MRS2: variants seen among roughly 807,000 people sequenced by gnomAD.
MRS2 encodes the protein magnesium transporter MRS2.
A neutral mutation model predicts 52.6 loss-of-function variants in MRS2; 40 were observed. The ratio of observed to expected loss-of-function variants is 0.76; its 90% confidence interval spans 0.59 to 0.99. The LOEUF (loss-of-function observed/expected upper bound fraction) is 0.99. Among genes scored for constraint, MRS2 ranks in the 50% least tolerant of loss-of-function variants. The probability of loss-of-function intolerance (pLI) is 0.00; values close to 1 mark genes in which losing one functional copy is unlikely to be tolerated. For synonymous variants in MRS2, 193 were observed against 195.9 expected, an observed-to-expected ratio of 0.98 and a Z score of 0.13; for missense variants, 472 against 532.7, an observed-to-expected ratio of 0.89 and a Z score of 1.12.
chr6:24,415,264 C>A, intron 6 of MRS2, 101 bp downstream of exon 6: 1 of 1,262,670 alleles, frequency 7.9e-7, no homozygotes, highest in Non-Finnish European at 1.1e-6. Context: ...ATGAAAGTAG[C>A]CTAGGTGGGA....
intron 3 of MRS2, among the ~76,000 whole-genome samples, chr6:24,408,835 T>C (rs1761560665): frequency 6.6e-6 from 1 of 152,160 alleles, no homozygotes; most frequent in African/African-American, 2.4e-5. Flanking sequence ...ACCACTGACA[T>C]TGCAGTGGGT....
rs367955707 is a variant in MRS2 at position 24,403,151 on chromosome 6, C to G, written c.105C>G (p.Pro35=). 27 of 1,610,540 alleles carry G rather than the reference C, an allele frequency of 1.7e-5. 1 individual carries two copies. In the South Asian group the frequency reaches 2.3e-4, roughly 14 times the overall value. The part of the protein sequence containing the change: ...LALDVTSVGP[P]VAACGRRANL... ...TGGACGTGACCTCTGTGGGTCCTCC[C>G]GTTGCTGCCTGCGGCCGCCGAGCCA... Residue 35 remains proline, a synonymous_variant, in exon 1 of 11, where the codon CCC becomes CCG. Transcript: ENST00000378386.
chr6:24,423,275 TA>T (rs1456512065), intron 10 of MRS2: 2 of 504,276 alleles, frequency 4.0e-6, no homozygotes, highest in Non-Finnish European at 7.0e-6. Context: ...GCACACTGCC[TA>T]ACACAATAAG....
chr6:24,405,970 T>C (rs1239358339), intron 2 of MRS2, among the ~76,000 whole-genome samples: 1 of 151,170 alleles, frequency 6.6e-6, no homozygotes, highest in Non-Finnish European at 1.5e-5. Context: ...CCAGGCCTGG[T>C]GGTGGGCGCC....
chr6:24,403,936 C>A (rs1342138158), intron 1 of MRS2, among the ~76,000 whole-genome samples: 1 of 151,726 alleles, frequency 6.6e-6, no homozygotes, highest in Admixed American at 6.6e-5. Context: ...CCAGGGAGAT[C>A]GGATTGAGAA....
At position 24,408,435 on chromosome 6, in the gene MRS2, ACTT is replaced by A. The variant is rs1390458686; in HGVS notation, c.296_298del (p.Ser99del). On this transcript the variant is annotated inframe_deletion, in exon 3 of 11. Coordinates refer to ENST00000378386, the MANE Select transcript of MRS2 (RefSeq NM_020662.4). Reference sequence around the variant, plus strand: ...AAAATTTGACAAACAGGGAAACGTTACTTCTTTTGGTGAGTGATTAGCATTCTA... The same window carrying A: ...AAAATTTGACAAACAGGGAAACGTTACTTTTGGTGAGTGATTAGCATTCTA... 6.3e-7 allele frequency: 1 copy of A among 1,583,950 alleles called. No homozygotes were observed. The highest frequency in any genetic ancestry group is 1.7e-5 in the Admixed American group (1 of 59,374).
intron 5 of MRS2, among the ~76,000 whole-genome samples, chr6:24,414,668 C>T (rs1362993884): frequency 6.6e-6 from 1 of 152,214 alleles, no homozygotes; most frequent in Non-Finnish European, 1.5e-5. Context: ...GTTGGGTACA[C>T]CTCCCAGACG....
Position 24,412,402 on chromosome 6 carries a change from C to A in MRS2, c.588+7C>A. 6.6e-7 allele frequency: 1 copy of A among 1,520,846 alleles called. No homozygotes were observed. The highest frequency in any genetic ancestry group is 2.3e-5 in the Admixed American group (1 of 43,190). The allele number at this position is 1,520,846 out of a possible 1,614,324, so 94.2% of individuals were successfully genotyped here. On this transcript the variant is annotated splice_region_variant and intron_variant, in intron 5 of 10. Coordinates refer to ENST00000378386, the MANE Select transcript of MRS2 (RefSeq NM_020662.4). ...AGCACTCCTGCAATATTGGGTAAGTCTGTTTTTATTTAGCTTCTTGGGTTT... is the reference window on the plus strand; with the variant it reads ...AGCACTCCTGCAATATTGGGTAAGTATGTTTTTATTTAGCTTCTTGGGTTT...
At chr6:24,417,203 A>G (rs1388266502) in intron 7 of MRS2, among the ~76,000 whole-genome samples, 1 of 152,202 alleles carries the variant, frequency 6.6e-6, no homozygotes, top group African/African-American at 2.4e-5. Context: ...ATGGTAGCAG[A>G]AACTGTTTGC....
chr6:24,420,370 G>A (rs1762005301), intron 9 of MRS2, among the ~76,000 whole-genome samples: 1 of 152,152 alleles, frequency 6.6e-6, no homozygotes, highest in African/African-American at 2.4e-5. Flanking sequence ...GCAATCCCTT[G>A]TTCAAAGCCT....
chr6:24,421,479 T>C (rs1450002584), intron 9 of MRS2, among the ~76,000 whole-genome samples: 2 of 152,232 alleles, frequency 1.3e-5, no homozygotes, highest in African/African-American at 4.8e-5. Context: ...ATATTTGCCA[T>C]GGTGAATCTG....
chr6:24,404,779 TCTA>T (rs1276699102), intron 1 of MRS2, among the ~76,000 whole-genome samples: 1 of 152,212 alleles, frequency 6.6e-6, no homozygotes, highest in Non-Finnish European at 1.5e-5. Context: ...CTAAAATGTA[TCTA>T]CTACCAAATG....
chr6:24,406,104 CAAA>C (rs35874058), intron 2 of MRS2, among the ~76,000 whole-genome samples: 7 of 103,158 alleles, frequency 6.8e-5, no homozygotes, highest in Non-Finnish European at 7.2e-5. Context: ...GACTCCATCT[CAAA>C]AAAAAAAAAA....
At chr6:24,420,500 T>TA (rs1491021877) in intron 9 of MRS2, among the ~76,000 whole-genome samples, 2 of 152,224 alleles carry the variant, frequency 1.3e-5, no homozygotes, top group African/African-American at 4.8e-5. Context: ...TATTGCCTGT[T>TA]ATATACCAAG....
intron 8 of MRS2, 23 bp from the exon 9 acceptor site, chr6:24,418,438 T>G: frequency 6.2e-7 from 1 of 1,613,770 alleles, no homozygotes; most frequent in Non-Finnish European, 8.5e-7. Flanking sequence ...CCTTCTAATC[T>G]GAATAGGTGT....
chr6:24,422,230 C>G (rs1012750385), intron 9 of MRS2, among the ~76,000 whole-genome samples: 1 of 152,198 alleles, frequency 6.6e-6, no homozygotes, highest in Admixed American at 6.5e-5. Context: ...AGTTGTGTAA[C>G]AGGCTATCTT....
rs1762210812 is a variant in MRS2, at chr6:24,425,673, TTA to T, written c.*1981_*1982del. On this transcript the variant is annotated 3_prime_UTR_variant, in exon 11 of 11. Coordinates refer to ENST00000378386, the MANE Select transcript of MRS2 (RefSeq NM_020662.4). ...TTGAAAGTAGGTACCAAACACTGGG[TTA>T]TGTGAGTGAGTAAGCAATCATATCG... The T allele has an allele frequency of 6.6e-6, 1 of 152,340 alleles. No individual in the cohort carries two copies. Among genetic ancestry groups the T allele is most frequent in the Admixed American group, 6.5e-5 (1 of 15,304 alleles). The allele number at this position is 152,340 out of a possible 1,614,324, so 9.4% of individuals were successfully genotyped here.
chr6:24,409,602 C>T (rs1362722698), intron 4 of MRS2, 29 bp downstream of exon 4: 1 of 1,344,384 alleles, frequency 7.4e-7, no homozygotes, highest in African/African-American at 1.5e-5. Context: ...ATCTATGTTT[C>T]TCCAATACAA....
rs141082353 is a variant in MRS2, at chr6:24,405,180, G to T, written c.203G>T (p.Arg68Leu). 7.4e-6 allele frequency: 12 copies of T among 1,613,566 alleles called. No homozygotes were observed. The highest frequency in any genetic ancestry group is 1.0e-5 in the Non-Finnish European group (12 of 1,179,544). ...DRLRVAGEVH[R>L]FRTSDVSQAT... is the part of the protein sequence containing the mutation. ...ATTTATTCTTCAGGTGAAGTGCACC[G>T]GTTTAGAACCTCTGACGTCTCTCAA... Residue 68 changes from arginine (R) to leucine (L), a missense_variant, in exon 2 of 11, where the codon CGG becomes CTG. Arg to Leu is a moderately radical substitution (Grantham distance 102). Coordinates refer to ENST00000378386, the MANE Select transcript of MRS2 (RefSeq NM_020662.4).
Sources: allele counts gnomAD v4.1 joint callset (sites outside exome capture counted in the v4.1 genomes callset), GRCh38; gene constraint gnomAD v4.1.1; transcripts MANE v1.5; gene names NCBI Gene and HGNC (gene_info 2026-07-23, HGNC 2026-07-21).